The following RCCD1 variants were observed in gnomAD, a reference collection of about 807,000 sequenced individuals.
The protein encoded by RCCD1 is RCC1 domain containing 1.
RCCD1 carries 40 observed loss-of-function variants against 37.6 expected under a neutral mutation model. That is an observed-to-expected ratio of 1.06 (90% CI 0.83 to 1.39). The LOEUF is 1.39. RCCD1 is among the 40% of genes most tolerant of loss of function. The probability of loss-of-function intolerance (pLI) is 0.00; values close to 1 mark genes in which losing one functional copy is unlikely to be tolerated. For missense variants in RCCD1, 577 were observed against 517.3 expected (o/e 1.12, Z -1.12); for synonymous variants, 263 against 230.0 (o/e 1.14, Z -1.30).
At position 90,962,960 on chromosome 15, in the gene RCCD1, T is replaced by TTAACTATA. The variant is rs2037343224; in HGVS notation, c.*1191_*1192insTAACTATA. 1.3e-5 allele frequency: 2 copies of TTAACTATA among 152,226 alleles called. No individual in the cohort carries two copies. Among genetic ancestry groups the TTAACTATA allele is most frequent in the Admixed American group, 6.5e-5 (1 of 15,286 alleles). The allele number at this position is 152,226 out of a possible 1,614,324, so 9.4% of individuals were successfully genotyped here. ...CAAGTATCAACTTATTTTGATAAAA[T>TTAACTATA]AAGCTTATCAGTAGTTTTCTTTATA... On this transcript the variant is annotated 3_prime_UTR_variant, in exon 8 of 8. Transcript: ENST00000394258.
chr15:90,960,182 C>G, intron 5 of RCCD1, 146 bp from the exon 6 acceptor site: 1 of 970,010 alleles, frequency 1.0e-6, no homozygotes, highest in Non-Finnish European at 1.5e-6. Context: ...AGTGCCAGCC[C>G]TGCCTGCAGA....
chr15:90,956,881 C>G lies in RCCD1; in HGVS notation c.147C>G (p.Ser49Arg). The change falls in exon 2 of 8, where the codon AGC (serine) becomes AGG (arginine). Residue 49 changes from serine to arginine, a missense_variant. Physicochemically the swap from Ser to Arg is moderately radical, Grantham distance 110. Transcript: ENST00000394258. Reference sequence around the variant, plus strand: ...TCTGCCGCGTGAGCGCGAGCTGGAGCTACACCGCTTTCGTGACCCGTGAGC... The same window carrying G: ...TCTGCCGCGTGAGCGCGAGCTGGAGGTACACCGCTTTCGTGACCCGTGAGC... ...VDICRVSASW[S>R]YTAFVTRGGR... 4 of 1,292,158 alleles carry G rather than the reference C, an allele frequency of 3.1e-6. No individual in the cohort carries two copies. The highest frequency in any genetic ancestry group is 3.9e-6 in the Non-Finnish European group (4 of 1,020,360). 80.0% of individuals were successfully genotyped at this position (1,292,158 alleles called of 1,614,324 possible). A position where few individuals can be genotyped will look rare whatever the true frequency, so the allele number is the denominator to read the frequency against.
rs898324452 is a variant in RCCD1, at chr15:90,961,305, T to C, written c.979+251T>C. 2.6e-5 allele frequency: 15 copies of C among 584,454 alleles called. No individual in the cohort carries two copies. In the Admixed American group the frequency reaches 3.1e-4, roughly 12 times the overall value. 36.2% of individuals were successfully genotyped at this position (584,454 alleles called of 1,614,324 possible). On this transcript the variant is annotated intron_variant, in intron 7 of 7. Transcript: ENST00000394258. Reference sequence around the variant, plus strand: ...TCTCTGAAAGACTGTCTTAAGGGAGTATCCAACCAGCACTTACAAAGCAGC... The same window carrying C: ...TCTCTGAAAGACTGTCTTAAGGGAGCATCCAACCAGCACTTACAAAGCAGC...
At chr15:90,955,538 C>G (rs1280794316) in intron 1 of RCCD1, 2 of 152,156 alleles carry the variant, frequency 1.3e-5, no homozygotes, top group East Asian at 1.9e-4. Context: ...CAGGATCTGA[C>G]TTAAGAGGCC....
At position 90,956,730 on chromosome 15, in the gene RCCD1, C is replaced by T. The variant is rs919906290; in HGVS notation, c.-5C>T. On this transcript the variant is annotated 5_prime_UTR_variant, in exon 2 of 8. Coordinates refer to ENST00000394258, the MANE Select transcript of RCCD1 (RefSeq NM_001017919.2). The stretch of plus-strand genomic sequence containing the variant: ...GCGGCGGCCGGCAGAGGGCGCTGCT[C>T]GGGCATGGCGGAGGAGCGGCCGGGG... 7.7e-7 allele frequency: 1 copy of T among 1,295,482 alleles called. No homozygotes were observed. The highest frequency in any genetic ancestry group is 9.8e-7 in the Non-Finnish European group (1 of 1,021,768). The allele number at this position is 1,295,482 out of a possible 1,614,324, so 80.2% of individuals were successfully genotyped here.
At chr15:90,955,530 G>A (rs868547) in intron 1 of RCCD1, 50,854 of 152,038 alleles carry the variant, frequency 0.33, 9,352 homozygotes, top group East Asian at 0.56. Flanking sequence ...GAGAGACCCA[G>A]GATCTGACTT....
In RCCD1 at chr15:90,957,522, A is replaced by G; in HGVS notation, c.557+19A>G. 1 of 1,591,282 alleles carries G rather than the reference A, an allele frequency of 6.3e-7. No homozygotes were observed. The highest frequency in any genetic ancestry group is 8.5e-7 in the Non-Finnish European group (1 of 1,170,896). Reference sequence around the variant, plus strand: ...GGGGCAGGTGAGCGGAGGCGGGGGCAGGTGAGGGCTGCTGATTGGAGAAGC... The same window carrying G: ...GGGGCAGGTGAGCGGAGGCGGGGGCGGGTGAGGGCTGCTGATTGGAGAAGC... On this transcript the variant is annotated intron_variant, in intron 3 of 7. Coordinates refer to ENST00000394258, the MANE Select transcript of RCCD1 (RefSeq NM_001017919.2).
Position 90,957,442 on chromosome 15 carries a change from G to A in RCCD1, c.496G>A (p.Gly166Ser), listed in dbSNP as rs1258170677. 6.5e-7 allele frequency: 1 copy of A among 1,538,794 alleles called. No homozygotes were observed. Among genetic ancestry groups the A allele is most frequent in the African/African-American group, 1.4e-5 (1 of 73,048 alleles). The change falls in exon 3 of 8, where the codon GGC becomes AGC. Residue 166 changes from glycine (G) to serine (S), a missense_variant. Gly to Ser is a moderately conservative substitution (Grantham distance 56). Coordinates refer to ENST00000394258, the MANE Select transcript of RCCD1 (RefSeq NM_001017919.2). The part of the protein sequence containing the change: ...PELRARQLEL[G>S]AEHALLLDAA... ...GCTGCGGGCACGCCAGCTGGAGCTG[G>A]GCGCCGAGCACGCGTTGCTGCTGGA...
intron 3 of RCCD1, 25 bp downstream of exon 3, chr15:90,957,528 G>A: frequency 6.3e-7 from 1 of 1,597,578 alleles, no homozygotes; most frequent in Non-Finnish European, 8.5e-7. Flanking sequence ...GGGCAGGTGA[G>A]GGCTGCTGAT....
At chr15:90,961,162 C>A in intron 7 of RCCD1, 108 bp downstream of exon 7, 1 of 1,108,372 alleles carries the variant, frequency 9.0e-7, no homozygotes, top group Non-Finnish European at 1.3e-6. Flanking sequence ...GGGGCCTCGG[C>A]CAGGTCACTG....
rs938860300 is a variant in RCCD1 at position 90,962,056 on chromosome 15, C to T, written c.*287C>T. The stretch of plus-strand genomic sequence containing the variant: ...AGTGGTAGATTCAAAGCTCCACCCA[C>T]CTCATCCCAGGTACATTTGATGTGC... On this transcript the variant is annotated 3_prime_UTR_variant, in exon 8 of 8. Transcript: ENST00000394258. 1 of 220,206 alleles carries T rather than the reference C, an allele frequency of 4.5e-6. No individual in the cohort carries two copies. The highest frequency in any genetic ancestry group is 9.0e-6 in the Non-Finnish European group (1 of 111,222). The allele number at this position is 220,206 out of a possible 1,614,324, so 13.6% of individuals were successfully genotyped here.
At chr15:90,957,849 A>G in intron 4 of RCCD1, 124 bp downstream of exon 4, 5 of 1,296,866 alleles carry the variant, frequency 3.9e-6, no homozygotes, top group Non-Finnish European at 5.3e-6. Context: ...TCGCCCAGTC[A>G]GTTATGACTC....
rs1428813571 is a variant in RCCD1, at chr15:90,961,897, A to C, written c.*128A>C. On this transcript the variant is annotated 3_prime_UTR_variant, in exon 8 of 8. Transcript: ENST00000394258. ...ACAGTCCTGCCCTTCACCCTCAAGC[A>C]CGGTCCTAAACTTGTCTGCACTTTA... 2 of 854,144 alleles carry C rather than the reference A, an allele frequency of 2.3e-6. No individual in the cohort carries two copies. Among genetic ancestry groups the C allele is most frequent in the Non-Finnish European group, 3.6e-6 (2 of 560,994 alleles). 52.9% of individuals were successfully genotyped at this position (854,144 alleles called of 1,614,324 possible).
In RCCD1 at chr15:90,957,263, G is replaced by C. The variant is rs771246576; in HGVS notation, c.317G>C (p.Arg106Pro). 7 of 1,497,048 alleles carry C rather than the reference G, an allele frequency of 4.7e-6. No individual in the cohort carries two copies. In the South Asian group the frequency reaches 6.4e-5, roughly 14 times the overall value. 92.7% of individuals were successfully genotyped at this position (1,497,048 alleles called of 1,614,324 possible). A position where few individuals can be genotyped will look rare whatever the true frequency, so the allele number is the denominator to read the frequency against. The stretch of plus-strand genomic sequence containing the variant: ...GTCTGGGCGGCCGAATCGGCGCTGC[G>C]TGGGGAGCCATTGTGGGCCCAGAAT... The part of the protein sequence containing the change: ...LQVWAAESAL[R>P]GEPLWAQNVV... Residue 106 changes from arginine (R) to proline (P), a missense_variant, in exon 3 of 8, where the codon CGT (arginine) becomes CCT (proline). By Grantham distance (103) the Arg-to-Pro change is moderately radical. Coordinates refer to ENST00000394258, the MANE Select transcript of RCCD1 (RefSeq NM_001017919.2).
In RCCD1 at chr15:90,960,411, C is replaced by G; in HGVS notation, c.862C>G (p.Gln288Glu). The G allele has an allele frequency of 6.2e-7, 1 of 1,613,776 alleles. No homozygotes were observed. The highest frequency in any genetic ancestry group is 8.5e-7 in the Non-Finnish European group (1 of 1,179,982). ...DGAPAPFIAVQPFPALLDLPM... is the reference protein window; with the variant it reads ...DGAPAPFIAVEPFPALLDLPM... ...AGCCCCTGCCCCCTTCATAGCTGTCCAGCCCTTCCCGGCATTACTGGATCT... is the reference window on the plus strand; with the variant it reads ...AGCCCCTGCCCCCTTCATAGCTGTCGAGCCCTTCCCGGCATTACTGGATCT... Residue 288 changes from glutamine to glutamate, a missense_variant, in exon 6 of 8, where the codon CAG becomes GAG. Transcript: ENST00000394258.
rs1323132583 is a variant in RCCD1 at position 90,962,844 on chromosome 15, C to T, written c.*1075C>T. 1 of 152,172 alleles carries T rather than the reference C, an allele frequency of 6.6e-6. No homozygotes were observed. The highest frequency in any genetic ancestry group is 1.5e-5 in the Non-Finnish European group (1 of 68,048). The allele number at this position is 152,172 out of a possible 1,614,324, so 9.4% of individuals were successfully genotyped here. ...TTAGTATTCAGAGTATCTTCTGCTACAATGTAGTTTGTTTCAGTCTCTCTT... is the reference window on the plus strand; with the variant it reads ...TTAGTATTCAGAGTATCTTCTGCTATAATGTAGTTTGTTTCAGTCTCTCTT... On this transcript the variant is annotated 3_prime_UTR_variant, in exon 8 of 8. Coordinates refer to ENST00000394258, the MANE Select transcript of RCCD1 (RefSeq NM_001017919.2).
intron 5 of RCCD1, 33 bp downstream of exon 5, chr15:90,960,031 C>T: frequency 6.6e-7 from 1 of 1,526,192 alleles, no homozygotes; most frequent in Non-Finnish European, 9.0e-7. Context: ...CAGCCGTCTC[C>T]CCAGGATGTG....
intron 2 of RCCD1, 87 bp from the exon 3 acceptor site, chr15:90,957,026 C>G: frequency 7.8e-7 from 1 of 1,289,684 alleles, no homozygotes; most frequent in Non-Finnish European, 9.8e-7. Context: ...TGGGTTGGTC[C>G]CCAATTCGAC....
intron 6 of RCCD1, 125 bp downstream of exon 6, chr15:90,960,623 G>A: frequency 1.1e-6 from 1 of 870,990 alleles, no homozygotes; most frequent in Non-Finnish European, 1.7e-6. Context: ...CTTGCTCAGT[G>A]GATAAGCCCC....
Sources: gnomAD v4.1 joint callset for allele counts on GRCh38, gnomAD v4.1.1 for gene constraint, MANE v1.5 for transcripts, NCBI Gene and HGNC (gene_info 2026-07-23, HGNC 2026-07-21) for gene names.